The following EYS variants were observed in gnomAD, a reference collection of about 807,000 sequenced individuals.
EYS encodes EGF-like photoreceptor maintenance factor, also known as protein eyes shut homolog.
A neutral mutation model predicts 282.1 loss-of-function variants in EYS; 250 were observed. The ratio of observed to expected loss-of-function variants is 0.89; its 90% CI spans 0.80 to 0.98. EYS has a LOEUF of 0.98. EYS is among the 50% of genes least tolerant of loss of function. EYS has a pLI of 0.00. For missense variants in EYS, 4,016 were observed against 3,709.0 expected (o/e 1.08, Z -2.15); for synonymous variants, 1,355 against 1,282.9 (o/e 1.06, Z -1.20).
rs538105171 is a variant in EYS at position 64,193,241 on chromosome 6, T to C, written c.6424+37351A>G. ...AATTGAAATATTTACAAGACAGTGTTCCAATTCAATAACTTGACTCTATCT... is the reference window on the plus strand; with the variant it reads ...AATTGAAATATTTACAAGACAGTGTCCCAATTCAATAACTTGACTCTATCT... On this transcript the variant is annotated intron_variant, in intron 31 of 42. Transcript: ENST00000503581. Among the ~76,000 whole-genome samples, 4 of 152,308 alleles carry C rather than the reference T, an allele frequency of 2.6e-5. No individual in the cohort carries two copies. In the East Asian group the frequency reaches 7.7e-4, roughly 29 times the overall value.
intron 2 of EYS, among the ~76,000 whole-genome samples, chr6:65,559,244 A>G (rs1768937359): frequency 6.6e-6 from 1 of 152,080 alleles, no homozygotes; most frequent in African/African-American, 2.4e-5. Context: ...TTAGCTGGGC[A>G]TGGTGGCTTA....
intron 22 of EYS, among the ~76,000 whole-genome samples, chr6:64,707,653 A>C: frequency 8.7e-6 from 1 of 115,138 alleles, no homozygotes; most frequent in East Asian, 2.6e-4. Flanking sequence ...CGACAGAGTG[A>C]GACTCGTATC....
chr6:65,478,435 G>A (rs1334716749), intron 5 of EYS, among the ~76,000 whole-genome samples: 1 of 151,996 alleles, frequency 6.6e-6, no homozygotes, highest in Non-Finnish European at 1.5e-5. Flanking sequence ...AACAAAAGTA[G>A]CAAAAGCTAA....
chr6:65,288,309 G>A (rs7746498), intron 12 of EYS, among the ~76,000 whole-genome samples: 141 of 150,690 alleles, frequency 9.4e-4, no homozygotes, highest in African/African-American at 3.1e-3. Context: ...CAAAAAATAT[G>A]GGAAATATTT....
intron 30 of EYS, among the ~76,000 whole-genome samples, chr6:64,289,019 T>C (rs1467523236): frequency 6.6e-6 from 1 of 152,110 alleles, no homozygotes; most frequent in African/African-American, 2.4e-5. Context: ...ACATCTACAA[T>C]AAAGTGATTC....
intron 18 of EYS, among the ~76,000 whole-genome samples, chr6:64,890,663 T>C (rs887759272): frequency 3.3e-5 from 5 of 152,308 alleles, no homozygotes; most frequent in Non-Finnish European, 2.9e-5. Flanking sequence ...GTTTGCTCTT[T>C]AACATTTATC....
chr6:65,140,873 A>T (rs1323523081), intron 12 of EYS, among the ~76,000 whole-genome samples: 2 of 148,096 alleles, frequency 1.4e-5, no homozygotes, highest in Non-Finnish European at 3.0e-5. Flanking sequence ...GAGAAATAGG[A>T]ACACTTTTAC....
chr6:65,325,582 A>T (rs1305425665), intron 11 of EYS, among the ~76,000 whole-genome samples: 3 of 152,106 alleles, frequency 2.0e-5, no homozygotes, highest in Admixed American at 1.3e-4. Context: ...AGTCACTCAG[A>T]TTCAAAAGGT....
intron 31 of EYS, among the ~76,000 whole-genome samples, chr6:64,123,659 A>G (rs1158033541): frequency 1.3e-5 from 2 of 152,232 alleles, no homozygotes; most frequent in African/African-American, 4.8e-5. Flanking sequence ...AAATTGGGTC[A>G]TAAATTCTAT....
intron 2 of EYS, among the ~76,000 whole-genome samples, chr6:65,632,372 G>A (rs964786382): frequency 4.6e-5 from 7 of 152,108 alleles, no homozygotes; most frequent in Non-Finnish European, 8.8e-5. Context: ...CAAAATCAAT[G>A]TCTAATAAAA....
intron 33 of EYS, among the ~76,000 whole-genome samples, chr6:64,018,780 T>TG (rs1273308501): frequency 2.3e-5 from 3 of 133,072 alleles, no homozygotes; most frequent in African/African-American, 8.4e-5. Flanking sequence ...TTTTTTTTTT[T>TG]TTTTTTTTTG....
intron 30 of EYS, among the ~76,000 whole-genome samples, chr6:64,250,387 C>A (rs988138228): frequency 2.0e-5 from 3 of 152,156 alleles, no homozygotes; most frequent in African/African-American, 7.2e-5. Context: ...GAATTGCACG[C>A]AACCGTGGCC....
At chr6:65,252,951 A>C (rs1485394469) in intron 12 of EYS, among the ~76,000 whole-genome samples, 1 of 151,946 alleles carries the variant, frequency 6.6e-6, no homozygotes, top group Non-Finnish European at 1.5e-5. Flanking sequence ...AGAGCCTCAG[A>C]CCTGTTAGAC....
intron 19 of EYS, among the ~76,000 whole-genome samples, chr6:64,879,366 C>T (rs936694301): frequency 6.6e-6 from 1 of 151,986 alleles, no homozygotes; most frequent in African/African-American, 2.4e-5. Context: ...TAGACATTAA[C>T]CGATATTCAA....
intron 2 of EYS, among the ~76,000 whole-genome samples, chr6:65,626,576 AATTT>A (rs1766700761): frequency 6.6e-6 from 1 of 152,172 alleles, no homozygotes; most frequent in Non-Finnish European, 1.5e-5. Context: ...AACAAACCCT[AATTT>A]TTTAATTAAA....
intron 12 of EYS, among the ~76,000 whole-genome samples, chr6:65,226,201 A>G (rs1766621945): frequency 6.6e-6 from 1 of 152,076 alleles, no homozygotes; most frequent in Non-Finnish European, 1.5e-5. Flanking sequence ...ACTAAAATCA[A>G]TTGTGTACGT....
intron 19 of EYS, among the ~76,000 whole-genome samples, chr6:64,867,224 T>A (rs907517778): frequency 6.7e-5 from 5 of 74,284 alleles, no homozygotes; most frequent in African/African-American, 1.9e-4. Context: ...ATAGAGAATT[T>A]GTTCATTTGT....
intron 18 of EYS, among the ~76,000 whole-genome samples, chr6:64,897,853 T>C (rs1486809499): frequency 6.6e-6 from 1 of 152,092 alleles, no homozygotes; most frequent in African/African-American, 2.4e-5. Context: ...AGAAAGGATA[T>C]CAGAGATTGA....
At chr6:63,919,456 T>C (rs1764511000) in intron 35 of EYS, among the ~76,000 whole-genome samples, 1 of 151,584 alleles carries the variant, frequency 6.6e-6, no homozygotes, top group Non-Finnish European at 1.5e-5. Context: ...AAAGGTATAA[T>C]TTCCAGTCCC....
Sources: gnomAD v4.1 joint callset for allele counts (sites outside exome capture counted in the v4.1 genomes callset) on GRCh38, gnomAD v4.1.1 for gene constraint, MANE v1.5 for transcripts, NCBI Gene and HGNC (gene_info 2026-07-23, HGNC 2026-07-21) for gene names.